OTOGL: variants seen among roughly 807,000 people sequenced by gnomAD.
The protein encoded by OTOGL is otogelin like, also known as otogelin-like protein.
OTOGL carries 285 observed loss-of-function variants against 318.5 expected under a neutral mutation model. That is an observed-to-expected ratio of 0.89 (90% CI 0.81 to 0.99). OTOGL has a LOEUF of 0.99. OTOGL is among the 50% of genes least tolerant of loss of function. The pLI is 0.00. For synonymous variants in OTOGL, 987 were observed against 936.5 expected (o/e 1.05, Z -0.99); for missense variants, 2,899 against 2,845.6 (o/e 1.02, Z -0.43).
intron 30 of OTOGL, 125 bp from the exon 31 acceptor site, chr12:80,313,351 C>G: frequency 2.4e-6 from 2 of 819,446 alleles, no homozygotes; most frequent in African/African-American, 1.7e-5. Flanking sequence ...ATAAAGAGAA[C>G]TCTCTAGGTG....
intron 1 of OTOGL, among the ~76,000 whole-genome samples, chr12:80,108,026 T>C (rs932200000): frequency 5.9e-5 from 9 of 152,022 alleles, no homozygotes; most frequent in African/African-American, 2.2e-4. Flanking sequence ...GATGAAATGA[T>C]CTGTACACCA....
intron 52 of OTOGL, among the ~76,000 whole-genome samples, chr12:80,359,863 T>C (rs1200620843): frequency 6.6e-6 from 1 of 152,240 alleles, no homozygotes; most frequent in Non-Finnish European, 1.5e-5. Flanking sequence ...ACATAACATA[T>C]TCAGTATACT....
chr12:80,274,333 G>A (rs1225524977), intron 24 of OTOGL, among the ~76,000 whole-genome samples: 1 of 152,030 alleles, frequency 6.6e-6, no homozygotes, highest in African/African-American at 2.4e-5. Context: ...CTGTTATGGA[G>A]AAAGTTTTAG....
intron 1 of OTOGL, among the ~76,000 whole-genome samples, chr12:80,206,328 G>A (rs181128905): frequency 7.8e-4 from 118 of 152,188 alleles, no homozygotes; most frequent in African/African-American, 2.8e-3. Context: ...TCATAATGTA[G>A]TTAGTTGAAA....
intron 11 of OTOGL, among the ~76,000 whole-genome samples, chr12:80,251,127 C>T (rs536205038): frequency 6.6e-6 from 1 of 152,196 alleles, no homozygotes; most frequent in Non-Finnish European, 1.5e-5. Flanking sequence ...GGCACATATA[C>T]ATCATGGAAT....
intron 19 of OTOGL, among the ~76,000 whole-genome samples, chr12:80,262,471 C>T (rs915298018): frequency 3.3e-5 from 5 of 152,006 alleles, no homozygotes; most frequent in Admixed American, 1.3e-4. Context: ...CAGGGATGTT[C>T]GATGTCAGTT....
intron 29 of OTOGL, among the ~76,000 whole-genome samples, chr12:80,307,731 G>C (rs1273887977): frequency 6.9e-6 from 1 of 145,236 alleles, no homozygotes; most frequent in Non-Finnish European, 1.5e-5. Context: ...GCGGCTGGCC[G>C]AGCGGGGGGC....
chr12:80,244,714 T>C (rs1182988444), intron 11 of OTOGL, among the ~76,000 whole-genome samples: 2 of 148,740 alleles, frequency 1.3e-5, no homozygotes, highest in Non-Finnish European at 2.9e-5. Context: ...ATGGTATTTC[T>C]AGTTCTAGAT....
intron 45 of OTOGL, among the ~76,000 whole-genome samples, chr12:80,353,115 A>C (rs1889656030): frequency 6.6e-6 from 1 of 152,204 alleles, no homozygotes; most frequent in African/African-American, 2.4e-5. Flanking sequence ...ACCCTTAGAA[A>C]ATGTTTAAAA....
In OTOGL at chr12:80,257,180, T is replaced by C. The variant is rs190778114; in HGVS notation, c.1712-645T>C. ...TGCTCACGCTACACAGGTGTCAGGCTAGGGAAGTTGAACTTGATACGAATC... is the reference window on the plus strand; with the variant it reads ...TGCTCACGCTACACAGGTGTCAGGCCAGGGAAGTTGAACTTGATACGAATC... On this transcript the variant is annotated intron_variant, in intron 17 of 58. Coordinates refer to ENST00000547103, the MANE Select transcript of OTOGL (RefSeq NM_001378609.3). Among the ~76,000 whole-genome samples the C allele has an allele frequency of 3.6e-3, 544 of 152,190 alleles. 6 individuals are homozygous for C. The highest frequency in any genetic ancestry group is 0.012 in the African/African-American group (514 of 41,534).
chr12:80,155,215 T>G (rs571905231), intron 1 of OTOGL, among the ~76,000 whole-genome samples: 2 of 152,318 alleles, frequency 1.3e-5, no homozygotes, highest in South Asian at 4.1e-4. Flanking sequence ...TGATTTCCTC[T>G]CAGTCTGTGG....
Position 80,343,496 on chromosome 12 carries a change from A to C in OTOGL, c.5265+1334A>C, listed in dbSNP as rs1168910621. Reference sequence around the variant, plus strand: ...TTTTATTATTTTTTACATTTTTATTATTTTTTATTCTTGTTTTTTTTTTTT... The same window carrying C: ...TTTTATTATTTTTTACATTTTTATTCTTTTTTATTCTTGTTTTTTTTTTTT... On this transcript the variant is annotated intron_variant, in intron 44 of 58. Transcript: ENST00000547103. The C allele has an allele frequency of 4.4e-3, 108 of 24,550 alleles. 1 individual carries two copies. Among genetic ancestry groups the C allele is most frequent in the East Asian group, 0.031 (29 of 946 alleles). The allele number at this position is 24,550 out of a possible 1,614,324, so 1.5% of individuals were successfully genotyped here.
chr12:80,283,692 T>G (rs974863791), intron 26 of OTOGL, among the ~76,000 whole-genome samples: 3 of 152,060 alleles, frequency 2.0e-5, no homozygotes, highest in African/African-American at 7.2e-5. Context: ...ACATGAATTT[T>G]TAGTTCTAGC....
At chr12:80,242,144 G>A (rs1283955485) in intron 11 of OTOGL, among the ~76,000 whole-genome samples, 1 of 152,152 alleles carries the variant, frequency 6.6e-6, no homozygotes, top group Non-Finnish European at 1.5e-5. Context: ...GGGAACTGGA[G>A]ATAAAAATCA....
intron 8 of OTOGL, among the ~76,000 whole-genome samples, chr12:80,231,108 A>G (rs1200627250): frequency 1.3e-5 from 2 of 152,228 alleles, no homozygotes; most frequent in South Asian, 2.1e-4. Context: ...GCATAATAGT[A>G]CAACTATACT....
chr12:80,131,364 C>G (rs2137120652), intron 1 of OTOGL, among the ~76,000 whole-genome samples: 1 of 152,248 alleles, frequency 6.6e-6, no homozygotes, highest in African/African-American at 2.4e-5. Context: ...GAGGCTTTCC[C>G]AAAAGGGAGA....
intron 43 of OTOGL, among the ~76,000 whole-genome samples, chr12:80,339,782 A>T (rs1038426880): frequency 1.3e-5 from 2 of 152,128 alleles, no homozygotes; most frequent in Admixed American, 1.3e-4. Flanking sequence ...TAGTTTTATT[A>T]TGAAATGTAA....
intron 1 of OTOGL, among the ~76,000 whole-genome samples, chr12:80,128,479 C>T (rs961350502): frequency 3.3e-5 from 5 of 152,192 alleles, no homozygotes; most frequent in South Asian, 2.1e-4. Context: ...TTAGGGTACT[C>T]GGGGGTCAGG....
intron 20 of OTOGL, chr12:80,265,555 C>T (rs376584949): frequency 1.3e-4 from 30 of 237,328 alleles, no homozygotes; most frequent in East Asian, 5.5e-4. Flanking sequence ...AATACAGTGA[C>T]GCAGTTGATT....
Sources: allele counts gnomAD v4.1 joint callset (sites outside exome capture counted in the v4.1 genomes callset), GRCh38; gene constraint gnomAD v4.1.1; transcripts MANE v1.5; gene names NCBI Gene and HGNC (gene_info 2026-07-23, HGNC 2026-07-21).